NALCN: variants seen among roughly 807,000 people sequenced by gnomAD.
NALCN encodes the protein sodium leak channel, non-selective.
A neutral mutation model predicts 225.3 loss-of-function variants in NALCN; 111 were observed. The ratio of observed to expected loss-of-function variants is 0.49; its 90% confidence interval spans 0.42 to 0.58. The LOEUF (loss-of-function observed/expected upper bound fraction) is 0.58, where lower values mean the gene tolerates loss of function less well. NALCN is among the 20% of genes least tolerant of loss of function. The pLI is 0.00. For missense variants in NALCN, 1,378 were observed against 2,202.4 expected (o/e 0.63, Z 7.49); for synonymous variants, 764 against 769.0 (o/e 0.99, Z 0.11).
chr13:101,106,807 T>A (rs1426846909), intron 22 of NALCN, among the ~76,000 whole-genome samples: 1 of 152,218 alleles, frequency 6.6e-6, no homozygotes, highest in Middle Eastern at 3.2e-3. Context: ...ATAAATCTCT[T>A]TTTCTTTATA....
At chr13:101,137,304 A>C (rs1257666883) in intron 17 of NALCN, among the ~76,000 whole-genome samples, 3 of 152,198 alleles carry the variant, frequency 2.0e-5, no homozygotes, top group African/African-American at 7.2e-5. Flanking sequence ...TATTTAAAAA[A>C]AAAATTCTTT....
intron 43 of NALCN, among the ~76,000 whole-genome samples, chr13:101,056,246 CTTTT>C (rs34583741): frequency 3.5e-4 from 16 of 45,850 alleles, no homozygotes; most frequent in African/African-American, 1.3e-3. Context: ...AGTGGAAGTA[CTTTT>C]TTTTTTTTTT....
chr13:101,271,722 C>T (rs1566512076), intron 10 of NALCN, among the ~76,000 whole-genome samples: 1 of 149,850 alleles, frequency 6.7e-6, no homozygotes, highest in African/African-American at 2.5e-5. Context: ...ATGTAAATGT[C>T]TGTGTGTCAC....
At chr13:101,276,443 A>G (rs2042976295) in intron 10 of NALCN, among the ~76,000 whole-genome samples, 1 of 152,152 alleles carries the variant, frequency 6.6e-6, no homozygotes, top group Non-Finnish European at 1.5e-5. Context: ...CAAGCTAACA[A>G]TACCTTTCTG....
intron 15 of NALCN, among the ~76,000 whole-genome samples, chr13:101,167,010 A>G: frequency 6.6e-6 from 1 of 152,210 alleles, no homozygotes; most frequent in East Asian, 1.9e-4. Flanking sequence ...CCACTGTTGA[A>G]GATCATGTGA....
At chr13:101,279,739 C>T (rs1419326622) in intron 10 of NALCN, among the ~76,000 whole-genome samples, 3 of 148,888 alleles carry the variant, frequency 2.0e-5, no homozygotes, top group Non-Finnish European at 3.0e-5. Context: ...ATGGCGTGAA[C>T]CCGGGAGGCG....
intron 18 of NALCN, among the ~76,000 whole-genome samples, chr13:101,120,251 T>A (rs902084477): frequency 6.6e-6 from 1 of 152,206 alleles, no homozygotes; most frequent in Non-Finnish European, 1.5e-5. Context: ...CTGGCAGCTC[T>A]CCAGCTTAAT....
intron 37 of NALCN, among the ~76,000 whole-genome samples, chr13:101,070,359 C>T (rs2032780988): frequency 6.6e-6 from 1 of 152,196 alleles, no homozygotes; most frequent in African/African-American, 2.4e-5. Context: ...AGCCACTGCG[C>T]CTGGCCATGA....
Position 101,379,973 on chromosome 13 carries a change from T to A in NALCN, c.292-1320A>T, listed in dbSNP as rs188036346. Among the ~76,000 whole-genome samples the A allele has an allele frequency of 2.2e-3, 333 of 152,192 alleles. 1 individual carries two copies. The highest frequency in any genetic ancestry group is 7.4e-3 in the African/African-American group (306 of 41,516). On this transcript the variant is annotated intron_variant, in intron 3 of 43. Coordinates refer to ENST00000251127, the MANE Select transcript of NALCN (RefSeq NM_052867.4). Reference sequence around the variant, plus strand: ...GTTCTGCATAATAATATTGGGAGATTTCAACACCTTGACAGTATTAGATCA... The same window carrying A: ...GTTCTGCATAATAATATTGGGAGATATCAACACCTTGACAGTATTAGATCA...
intron 10 of NALCN, among the ~76,000 whole-genome samples, chr13:101,259,462 T>G (rs890256023): frequency 2.0e-5 from 3 of 151,648 alleles, no homozygotes; most frequent in Non-Finnish European, 4.4e-5. Context: ...GCCTCCCGAG[T>G]AGCTGGGACT....
rs749013949 is a variant in NALCN at position 101,095,543 on chromosome 13, T to A, written c.3269+31A>T. 492 of 1,546,052 alleles carry A rather than the reference T, an allele frequency of 3.2e-4. 4 individuals are homozygous for A. The highest frequency in any genetic ancestry group is 2.4e-3 in the South Asian group (214 of 87,408). ...AGCCTTATACTGACAAACACACCAT[T>A]CTTCAGAATATTTTTTTATGATATA... On this transcript the variant is annotated intron_variant, in intron 28 of 43. Transcript: ENST00000251127.
intron 10 of NALCN, among the ~76,000 whole-genome samples, chr13:101,267,191 T>G (rs1026150784): frequency 1.3e-5 from 2 of 152,204 alleles, no homozygotes; most frequent in African/African-American, 2.4e-5. Flanking sequence ...TAGCTTTCAC[T>G]CTACTCTGTA....
intron 15 of NALCN, among the ~76,000 whole-genome samples, chr13:101,145,373 C>T (rs1231529831): frequency 6.6e-6 from 1 of 152,120 alleles, no homozygotes. Flanking sequence ...TTGGTTATGT[C>T]GCCTAGCAGA....
At chr13:101,162,686 G>C (rs1179662541) in intron 15 of NALCN, among the ~76,000 whole-genome samples, 1 of 152,186 alleles carries the variant, frequency 6.6e-6, no homozygotes, top group African/African-American at 2.4e-5. Context: ...GGATCTGAAA[G>C]AAAAAGTGCT....
chr13:101,211,179 C>G (rs1240267388), intron 13 of NALCN, among the ~76,000 whole-genome samples: 1 of 152,046 alleles, frequency 6.6e-6, no homozygotes, highest in African/African-American at 2.4e-5. Context: ...TAATGACTTT[C>G]ATTTATTTTT....
intron 39 of NALCN, among the ~76,000 whole-genome samples, chr13:101,065,831 C>A (rs74813965): frequency 2.0e-3 from 306 of 152,164 alleles, no homozygotes; most frequent in Admixed American, 3.1e-3. Context: ...TGGGAAGCTC[C>A]CCTTCAGCCC....
intron 1 of NALCN, among the ~76,000 whole-genome samples, chr13:101,412,723 G>C (rs949996337): frequency 4.6e-5 from 7 of 152,160 alleles, no homozygotes; most frequent in Non-Finnish European, 1.0e-4. Flanking sequence ...GAATCTACCA[G>C]AAAAGCCTTG....
At chr13:101,263,831 T>A (rs937895151) in intron 10 of NALCN, among the ~76,000 whole-genome samples, 1 of 152,196 alleles carries the variant, frequency 6.6e-6, no homozygotes, top group Non-Finnish European at 1.5e-5. Flanking sequence ...CATTTAAATA[T>A]TAAAATCAGT....
intron 7 of NALCN, among the ~76,000 whole-genome samples, chr13:101,338,814 C>T (rs901967062): frequency 6.6e-6 from 1 of 152,164 alleles, no homozygotes; most frequent in South Asian, 2.1e-4. Flanking sequence ...TTCTTAAACA[C>T]TATTTTGAGT....
Sources: allele counts gnomAD v4.1 joint callset (sites outside exome capture counted in the v4.1 genomes callset), GRCh38; gene constraint gnomAD v4.1.1; transcripts MANE v1.5; gene names NCBI Gene and HGNC (gene_info 2026-07-23, HGNC 2026-07-21).